The following SUGCT variants were observed in gnomAD, a reference collection of about 807,000 sequenced individuals.
SUGCT encodes succinyl-CoA:glutarate CoA-transferase.
SUGCT carries 41 observed loss-of-function variants against 55.0 expected under a neutral mutation model. That is an observed-to-expected ratio of 0.74 (90% CI 0.58 to 0.97). The LOEUF is 0.97. SUGCT is among the 50% of genes least tolerant of loss of function. The pLI, the probability that SUGCT is intolerant of heterozygous loss-of-function variation, is 0.00. For missense variants in SUGCT, 568 were observed against 547.8 expected (o/e 1.04, Z -0.37); for synonymous variants, 187 against 200.4 (o/e 0.93, Z 0.56).
chr7:40,901,161 A>G, the SUGCT span, among the ~76,000 whole-genome samples: 1 of 152,210 alleles, frequency 6.6e-6, no homozygotes, highest in East Asian at 1.9e-4. Context: ...CAGCTCTTAC[A>G]TGGACTCTCA....
At chr7:40,962,188 T>C in the SUGCT span, among the ~76,000 whole-genome samples, 2 of 152,120 alleles carry the variant, frequency 1.3e-5, no homozygotes, top group Non-Finnish European at 2.9e-5. Context: ...AGAGTACTGA[T>C]TGGTGCATTT....
intron 5 of SUGCT, among the ~76,000 whole-genome samples, chr7:40,191,402 T>C (rs950785316): frequency 6.6e-6 from 1 of 152,232 alleles, no homozygotes; most frequent in Non-Finnish European, 1.5e-5. Context: ...TATTGAAAGA[T>C]AATCTTTAAT....
intron 13 of SUGCT, among the ~76,000 whole-genome samples, chr7:40,855,668 T>C (rs1277492958): frequency 6.6e-6 from 1 of 152,198 alleles, no homozygotes; most frequent in African/African-American, 2.4e-5. Flanking sequence ...TTTTCTTTGT[T>C]GTTGAGGATG....
chr7:40,229,383 G>A (rs1368264576), intron 6 of SUGCT, among the ~76,000 whole-genome samples: 1 of 151,956 alleles, frequency 6.6e-6, no homozygotes, highest in Non-Finnish European at 1.5e-5. Context: ...ACCGGGCATG[G>A]TGGCATGCGC....
intron 9 of SUGCT, among the ~76,000 whole-genome samples, chr7:40,390,332 A>G (rs1411416171): frequency 6.6e-6 from 1 of 152,208 alleles, no homozygotes; most frequent in East Asian, 1.9e-4. Context: ...TTAGGAAAAG[A>G]GGAAGTCAAA....
At chr7:40,581,401 C>G (rs1488211444) in intron 12 of SUGCT, among the ~76,000 whole-genome samples, 2 of 152,086 alleles carry the variant, frequency 1.3e-5, no homozygotes, top group Non-Finnish European at 2.9e-5. Context: ...TTCAGGGTTT[C>G]CAGAAAATCT....
chr7:40,518,653 C>G (rs970426661), intron 12 of SUGCT, among the ~76,000 whole-genome samples: 7 of 152,026 alleles, frequency 4.6e-5, no homozygotes, highest in Admixed American at 1.3e-4. Flanking sequence ...ATCTTGTTTT[C>G]CAAATATTCT....
chr7:41,026,835 C>T, the SUGCT span, among the ~76,000 whole-genome samples: 2 of 152,054 alleles, frequency 1.3e-5, no homozygotes, highest in Admixed American at 6.6e-5. Context: ...AATTCAAGAC[C>T]AGCCTAGCCA....
At chr7:40,847,511 G>A (rs1361822772) in intron 13 of SUGCT, among the ~76,000 whole-genome samples, 2 of 149,216 alleles carry the variant, frequency 1.3e-5, no homozygotes, top group African/African-American at 2.5e-5. Flanking sequence ...CCACCTTCCG[G>A]GTTCAAGCGA....
At chr7:40,170,900 T>C (rs548111633) in intron 1 of SUGCT, among the ~76,000 whole-genome samples, 40 of 152,332 alleles carry the variant, frequency 2.6e-4, no homozygotes, top group Admixed American at 9.1e-4. Flanking sequence ...GGGTTGGGGC[T>C]GCTGGATTCT....
At chr7:40,687,659 C>G (rs1784522393) in intron 12 of SUGCT, among the ~76,000 whole-genome samples, 1 of 152,204 alleles carries the variant, frequency 6.6e-6, no homozygotes, top group Non-Finnish European at 1.5e-5. Flanking sequence ...AAACACCATA[C>G]CGTTATAGCC....
At chr7:40,606,508 G>A (rs906379945) in intron 12 of SUGCT, among the ~76,000 whole-genome samples, 3 of 152,182 alleles carry the variant, frequency 2.0e-5, no homozygotes, top group Non-Finnish European at 4.4e-5. Context: ...GGGAATAGAG[G>A]CAAATGGAGC....
the SUGCT span, chr7:40,964,678 G>T: frequency 6.6e-6 from 1 of 152,246 alleles, no homozygotes; most frequent in Admixed American, 6.5e-5. Context: ...TCTGTTTGCA[G>T]AAGGTGAATA....
intron 12 of SUGCT, among the ~76,000 whole-genome samples, chr7:40,647,101 G>A (rs925244241): frequency 6.6e-6 from 1 of 152,188 alleles, no homozygotes; most frequent in African/African-American, 2.4e-5. Context: ...AGCAGGAACA[G>A]ATAATATCAG....
intron 7 of SUGCT, among the ~76,000 whole-genome samples, chr7:40,253,594 G>A (rs945525999): frequency 2.0e-5 from 3 of 151,540 alleles, no homozygotes; most frequent in South Asian, 2.1e-4. Flanking sequence ...GCGGAGCCTC[G>A]CTCTGTTGCC....
chr7:40,136,205 C>T (rs1236053073), intron 1 of SUGCT, among the ~76,000 whole-genome samples: 1 of 152,140 alleles, frequency 6.6e-6, no homozygotes, highest in Non-Finnish European at 1.5e-5. Context: ...ACCATGTTGG[C>T]CAGGCTGGTC....
the SUGCT span, among the ~76,000 whole-genome samples, chr7:40,974,175 A>C: frequency 1.3e-5 from 2 of 152,150 alleles, no homozygotes; most frequent in Admixed American, 6.5e-5. Context: ...TTTCTTTCTG[A>C]TCTTGTGGTG....
intron 9 of SUGCT, among the ~76,000 whole-genome samples, chr7:40,362,422 C>T (rs558424315): frequency 2.6e-5 from 4 of 151,840 alleles, no homozygotes; most frequent in East Asian, 2.0e-4. Context: ...CCATCCCCGC[C>T]GCTCCCCCCT....
chr7:40,775,627 T>C (rs1379667236), intron 13 of SUGCT: 2 of 152,232 alleles, frequency 1.3e-5, no homozygotes, highest in African/African-American at 4.8e-5. Context: ...GGAGAAAATT[T>C]GGCCTAGTTT....
Sources: allele counts gnomAD v4.1 joint callset (sites outside exome capture counted in the v4.1 genomes callset), GRCh38; gene constraint gnomAD v4.1.1; transcripts MANE v1.5; gene names NCBI Gene and HGNC (gene_info 2026-07-23, HGNC 2026-07-21).